The following PPM1E variants were observed in gnomAD, a reference collection of about 807,000 sequenced individuals.
PPM1E encodes protein phosphatase, Mg2+/Mn2+ dependent 1E, also known as protein phosphatase 1E.
In PPM1E, 20 loss-of-function variants were observed where a neutral mutation model predicts 65.9. The observed-to-expected ratio is 0.30, with a 90% confidence interval of 0.21 to 0.44. The LOEUF is 0.44. Among genes scored for constraint, PPM1E ranks in the 20% least tolerant of loss-of-function variants. The pLI, the probability that PPM1E is intolerant of heterozygous loss-of-function variation, is 1.00. For missense variants in PPM1E, 713 were observed against 953.1 expected (o/e 0.75, Z 3.32); for synonymous variants, 352 against 374.9 (o/e 0.94, Z 0.70).
At chr17:58,927,551 A>G (rs796845851) in intron 1 of PPM1E, among the ~76,000 whole-genome samples, 9 of 152,228 alleles carry the variant, frequency 5.9e-5, no homozygotes, top group African/African-American at 2.2e-4. Flanking sequence ...CTTTACTGTT[A>G]CCAGTTACCC....
chr17:58,805,379 T>G (rs1342804179), intron 1 of PPM1E, among the ~76,000 whole-genome samples: 1 of 152,108 alleles, frequency 6.6e-6, no homozygotes, highest in Non-Finnish European at 1.5e-5. Flanking sequence ...ACCTCCCGAG[T>G]AACTGGGATT....
At chr17:58,925,300 G>T (rs2051809898) in intron 1 of PPM1E, among the ~76,000 whole-genome samples, 2 of 149,618 alleles carry the variant, frequency 1.3e-5, no homozygotes, top group Admixed American at 1.3e-4. Flanking sequence ...TCTCATTGTG[G>T]TTTTTTTTTG....
intron 1 of PPM1E, among the ~76,000 whole-genome samples, chr17:58,802,300 G>A (rs1227754324): frequency 6.6e-6 from 1 of 152,050 alleles, no homozygotes; most frequent in African/African-American, 2.4e-5. Flanking sequence ...TCCTTTCCCT[G>A]TTGTATCTTC....
chr17:58,966,156 C>T (rs2030221975), intron 3 of PPM1E: 2 of 480,730 alleles, frequency 4.2e-6, no homozygotes, highest in Non-Finnish European at 7.6e-6. Flanking sequence ...CAGTTCCCTT[C>T]CATGGAGGCA....
In PPM1E at chr17:58,756,093, G is replaced by GCCGGAA. The variant is rs762601955; in HGVS notation, c.99_104dup (p.Pro43_Glu44dup). On this transcript the variant is annotated inframe_insertion, in exon 1 of 7. Transcript: ENST00000308249. The stretch of plus-strand genomic sequence containing the variant: ...GACCGTGCGGCGGCGGCGAGCCGGA[G>GCCGGAA]CCGGAACCCGAACCCGAACCCGAAC... The GCCGGAA allele has an allele frequency of 6.8e-6, 9 of 1,323,038 alleles. No individual in the cohort carries two copies. The highest frequency in any genetic ancestry group is 2.0e-5 in the Admixed American group (1 of 49,028). The allele number at this position is 1,323,038 out of a possible 1,614,324, so 82.0% of individuals were successfully genotyped here.
At chr17:58,778,383 A>G (rs891516345) in intron 1 of PPM1E, among the ~76,000 whole-genome samples, 6 of 146,074 alleles carry the variant, frequency 4.1e-5, no homozygotes, top group African/African-American at 1.5e-4. Flanking sequence ...TACAGACATC[A>G]GCCACTGTGG....
At chr17:58,848,959 T>C (rs2050798061) in intron 1 of PPM1E, among the ~76,000 whole-genome samples, 1 of 152,226 alleles carries the variant, frequency 6.6e-6, no homozygotes, top group Non-Finnish European at 1.5e-5. Context: ...GAACCTGTTA[T>C]TGGTCTATTC....
intron 1 of PPM1E, among the ~76,000 whole-genome samples, chr17:58,945,086 A>T (rs891286395): frequency 3.3e-5 from 5 of 151,494 alleles, no homozygotes; most frequent in African/African-American, 4.9e-5. Context: ...CATTTCCCTA[A>T]TGACTAATGA....
intron 1 of PPM1E, among the ~76,000 whole-genome samples, chr17:58,784,506 T>TA (rs892075473): frequency 4.0e-5 from 6 of 148,430 alleles, no homozygotes; most frequent in African/African-American, 1.5e-4. Flanking sequence ...CCCCACCACT[T>TA]TTTTTTTTTT....
intron 1 of PPM1E, among the ~76,000 whole-genome samples, chr17:58,785,894 T>C (rs999486434): frequency 6.6e-6 from 1 of 152,094 alleles, no homozygotes; most frequent in African/African-American, 2.4e-5. Flanking sequence ...AAAACTAACA[T>C]GAATCTCTTT....
intron 1 of PPM1E, among the ~76,000 whole-genome samples, chr17:58,859,499 G>A (rs1011313287): frequency 2.0e-5 from 3 of 152,164 alleles, no homozygotes; most frequent in Admixed American, 6.5e-5. Flanking sequence ...GTCTTCCATT[G>A]CTAGGAAGGC....
chr17:58,964,516 C>T (rs192391774), intron 2 of PPM1E, among the ~76,000 whole-genome samples: 2 of 151,246 alleles, frequency 1.3e-5, no homozygotes, highest in African/African-American at 2.4e-5. Flanking sequence ...ATAGGTGAAG[C>T]GGTAGACATA....
intron 1 of PPM1E, among the ~76,000 whole-genome samples, chr17:58,815,531 G>A (rs1024553997): frequency 3.3e-5 from 5 of 152,146 alleles, no homozygotes; most frequent in African/African-American, 1.2e-4. Context: ...AGAGTGGGGA[G>A]GATGTGAACT....
intron 1 of PPM1E, among the ~76,000 whole-genome samples, chr17:58,828,689 C>T (rs1222557299): frequency 6.6e-6 from 1 of 152,136 alleles, no homozygotes; most frequent in Non-Finnish European, 1.5e-5. Context: ...GTCTCGACCT[C>T]CTGACCTCTG....
intron 1 of PPM1E, among the ~76,000 whole-genome samples, chr17:58,824,255 G>A (rs2050509511): frequency 6.6e-6 from 1 of 151,948 alleles, no homozygotes; most frequent in East Asian, 1.9e-4. Context: ...TTTTCTCATA[G>A]AAAAAATCTG....
intron 2 of PPM1E, among the ~76,000 whole-genome samples, chr17:58,963,632 C>T (rs1463202149): frequency 6.6e-6 from 1 of 152,050 alleles, no homozygotes; most frequent in African/African-American, 2.4e-5. Context: ...TGGTGTGAAC[C>T]CAGGAGGCGA....
chr17:58,789,427 C>T (rs2050134756), intron 1 of PPM1E, among the ~76,000 whole-genome samples: 1 of 152,092 alleles, frequency 6.6e-6, no homozygotes, highest in Non-Finnish European at 1.5e-5. Flanking sequence ...CCAGTTCAGT[C>T]TTCATTACTC....
At chr17:58,841,811 G>A (rs529955438) in intron 1 of PPM1E, among the ~76,000 whole-genome samples, 14 of 151,784 alleles carry the variant, frequency 9.2e-5, no homozygotes, top group East Asian at 5.8e-4. Context: ...GGGTTCAAGC[G>A]ATTCTCCTGC....
intron 6 of PPM1E, 90 bp from the exon 7 acceptor site, chr17:58,979,884 G>A (rs2031261830): frequency 5.9e-6 from 6 of 1,011,460 alleles, no homozygotes; most frequent in Non-Finnish European, 8.7e-6. Context: ...CCAGTAAGCT[G>A]TGATCAGAGT....
Sources: gnomAD v4.1 joint callset for allele counts (sites outside exome capture counted in the v4.1 genomes callset) on GRCh38, gnomAD v4.1.1 for gene constraint, MANE v1.5 for transcripts, NCBI Gene and HGNC (gene_info 2026-07-23, HGNC 2026-07-21) for gene names.